SORCS1: variants seen among roughly 807,000 people sequenced by gnomAD.
SORCS1 encodes the protein sortilin related VPS10 domain containing receptor 1, also known as VPS10 domain-containing receptor SorCS1.
In SORCS1, 60 loss-of-function variants were observed where a neutral mutation model predicts 146.1. That is an observed-to-expected ratio of 0.41 (90% CI 0.33 to 0.51). The LOEUF (loss-of-function observed/expected upper bound fraction) is 0.51. SORCS1 is among the 20% of genes least tolerant of loss of function. The pLI is 0.21. For missense variants in SORCS1, 1,352 were observed against 1,487.6 expected (o/e 0.91, Z 1.50); for synonymous variants, 637 against 584.0 (o/e 1.09, Z -1.31).
chr10:106,950,282 C>T lies in SORCS1; in HGVS notation c.626+6231G>A, dbSNP rs557660557. 6.6e-5 allele frequency among the ~76,000 whole-genome samples: 10 copies of T among 152,334 alleles called. No individual in the cohort carries two copies. In the South Asian group the frequency reaches 8.3e-4, roughly 13 times the overall value. On this transcript the variant is annotated intron_variant, in intron 2 of 25. Transcript: ENST00000263054. ...TCATTAATTTGGTACAGTGACATCTCGTTCTGTCTTGCCTGGTTTGTTGAT... is the reference window on the plus strand; with the variant it reads ...TCATTAATTTGGTACAGTGACATCTTGTTCTGTCTTGCCTGGTTTGTTGAT...
In SORCS1 at chr10:106,867,307, C is replaced by T. The variant is rs191979100; in HGVS notation, c.627-37634G>A. Among the ~76,000 whole-genome samples the T allele has an allele frequency of 1.8e-3, 263 of 146,638 alleles. 1 individual carries two copies. Among genetic ancestry groups the T allele is most frequent in the African/African-American group, 5.4e-3 (212 of 39,296 alleles). On this transcript the variant is annotated intron_variant, in intron 2 of 25. Transcript: ENST00000263054. ...ATTAAATTTTTTTTTTTTTTTGAAA[C>T]GGAGTCTCGTTCTGTCGCCCACGCT...
chr10:106,848,323 C>T (rs1477241143), intron 2 of SORCS1, among the ~76,000 whole-genome samples: 1 of 44,598 alleles, frequency 2.2e-5, no homozygotes, highest in African/African-American at 7.5e-5. Context: ...TGAATTGATC[C>T]CTTTACCATT....
intron 1 of SORCS1, among the ~76,000 whole-genome samples, chr10:107,146,746 C>T (rs613020): frequency 0.12 from 17,745 of 152,124 alleles, 1,522 homozygotes; most frequent in East Asian, 0.33. Flanking sequence ...ACCCCAACTT[C>T]ACAACTCCCA....
At chr10:106,883,854 A>G (rs1445750746) in intron 2 of SORCS1, among the ~76,000 whole-genome samples, 1 of 152,236 alleles carries the variant, frequency 6.6e-6, no homozygotes, top group Non-Finnish European at 1.5e-5. Flanking sequence ...CCTTTCATAC[A>G]GTGTCACAGC....
rs185927306 is a variant in SORCS1, at chr10:106,983,010, C to A, written c.559-26430G>T. Among the ~76,000 whole-genome samples the A allele has an allele frequency of 2.4e-3, 357 of 151,312 alleles. 1 individual carries two copies. Among genetic ancestry groups the A allele is most frequent in the Middle Eastern group, 6.8e-3 (2 of 294 alleles). On this transcript the variant is annotated intron_variant, in intron 1 of 25. Coordinates refer to ENST00000263054, the MANE Select transcript of SORCS1 (RefSeq NM_052918.5). ...AACTGTTGATCAAATGAATGATATACCAAAGGTGCTTAAAAAAAAAGACAT... is the reference window on the plus strand; with the variant it reads ...AACTGTTGATCAAATGAATGATATAACAAAGGTGCTTAAAAAAAAAGACAT...
chr10:107,177,740 G>A, the SORCS1 span, among the ~76,000 whole-genome samples: 1 of 152,054 alleles, frequency 6.6e-6, no homozygotes, highest in Non-Finnish European at 1.5e-5. Flanking sequence ...CTTTGTGTTG[G>A]GAACATTTTG....
At chr10:107,117,248 G>T (rs1966096902) in intron 1 of SORCS1, among the ~76,000 whole-genome samples, 1 of 152,170 alleles carries the variant, frequency 6.6e-6, no homozygotes, top group Admixed American at 6.5e-5. Flanking sequence ...GAAAAGAAAA[G>T]AAACAAAAAG....
At chr10:107,098,263 G>A (rs1011490093) in intron 1 of SORCS1, among the ~76,000 whole-genome samples, 1 of 152,040 alleles carries the variant, frequency 6.6e-6, no homozygotes, top group African/African-American at 2.4e-5. Flanking sequence ...TTCCTCCCAA[G>A]TGAATCCAAC....
Position 106,800,513 on chromosome 10 carries a change from C to CT in SORCS1, c.727-23822dup, listed in dbSNP as rs763659103. On this transcript the variant is annotated intron_variant, in intron 3 of 25. Coordinates refer to ENST00000263054, the MANE Select transcript of SORCS1 (RefSeq NM_052918.5). The stretch of plus-strand genomic sequence containing the variant: ...AAAGATACATAGGTTCTAGGTGAAT[C>CT]TTTTTTTTTTTTTTTTTTTTTTTTT... Among the ~76,000 whole-genome samples the CT allele has an allele frequency of 3.6e-3, 323 of 89,068 alleles. 10 individuals are homozygous for CT. Among genetic ancestry groups the CT allele is most frequent in the East Asian group, 6.6e-3 (18 of 2,744 alleles). 58.4% of individuals were successfully genotyped at this position (89,068 alleles called of 152,430 possible). A position where few individuals can be genotyped will look rare whatever the true frequency, so the allele number is the denominator to read the frequency against.
At chr10:107,154,633 A>T (rs2134860087) in intron 1 of SORCS1, among the ~76,000 whole-genome samples, 1 of 152,340 alleles carries the variant, frequency 6.6e-6, no homozygotes, top group East Asian at 1.9e-4. Flanking sequence ...AGATTAGGAC[A>T]GTGCCCCAAT....
At chr10:106,991,667 T>A (rs715650) in intron 1 of SORCS1, among the ~76,000 whole-genome samples, 7,379 of 152,074 alleles carry the variant, frequency 0.049, 552 homozygotes, top group African/African-American at 0.16. Context: ...GATTAAAAAA[T>A]TATTACTCCT....
intron 3 of SORCS1, among the ~76,000 whole-genome samples, chr10:106,815,078 G>A (rs531237428): frequency 6.6e-6 from 1 of 152,000 alleles, no homozygotes; most frequent in Non-Finnish European, 1.5e-5. Context: ...TCCTGCCTCA[G>A]CCTCCCGAGT....
At chr10:106,705,769 C>T (rs1015485639) in intron 8 of SORCS1, among the ~76,000 whole-genome samples, 3 of 152,280 alleles carry the variant, frequency 2.0e-5, no homozygotes, top group African/African-American at 4.8e-5. Flanking sequence ...CACTAGGTGG[C>T]GCTCCATATT....
chr10:106,744,597 A>T (rs937443281), intron 5 of SORCS1, among the ~76,000 whole-genome samples: 1 of 152,226 alleles, frequency 6.6e-6, no homozygotes, highest in Admixed American at 6.5e-5. Flanking sequence ...TTACCTTATG[A>T]CTATACCATA....
intron 13 of SORCS1, 145 bp downstream of exon 13, chr10:106,677,168 G>T: frequency 1.4e-6 from 1 of 699,626 alleles, no homozygotes; most frequent in Non-Finnish European, 2.4e-6. Flanking sequence ...TTTGTGTGGA[G>T]AGTAACAGGA....
intron 2 of SORCS1, among the ~76,000 whole-genome samples, chr10:106,875,406 T>C (rs559799507): frequency 7.8e-4 from 119 of 152,330 alleles, no homozygotes; most frequent in African/African-American, 2.7e-3. Context: ...CAATTGTGAA[T>C]TGAGCTGCAA....
Position 106,679,613 on chromosome 10 carries a change from A to G in SORCS1, c.1663+19T>C. The G allele has an allele frequency of 1.3e-6, 2 of 1,586,506 alleles. No individual in the cohort carries two copies. The highest frequency in any genetic ancestry group is 1.7e-6 in the Non-Finnish European group (2 of 1,158,996). On this transcript the variant is annotated intron_variant, in intron 11 of 25. Transcript: ENST00000263054. ...TAAACACTATTTACCACAGCCAGCA[A>G]ACCAGGTAAGCTTCTTACCTGATGC...
upstream of SORCS1, among the ~76,000 whole-genome samples, chr10:107,165,192 T>C (rs1488620764): frequency 4.6e-5 from 7 of 152,052 alleles, no homozygotes; most frequent in Non-Finnish European, 1.0e-4. This position sits in a 1 kb window ranked among gnomAD's most constrained non-coding sequence, Gnocchi z 4.0. Flanking sequence ...TGAGTTGGCA[T>C]CTTGACCTTA....
chr10:106,861,331 C>T (rs1186335923), intron 2 of SORCS1, among the ~76,000 whole-genome samples: 5 of 149,110 alleles, frequency 3.4e-5, no homozygotes, highest in African/African-American at 5.0e-5. Context: ...ACCCAGGAGG[C>T]AGAAGTTTCA....
Sources: allele counts gnomAD v4.1 joint callset (sites outside exome capture counted in the v4.1 genomes callset), GRCh38; gene constraint gnomAD v4.1.1; non-coding constraint Gnocchi (gnomAD v3.1); transcripts MANE v1.5; gene names NCBI Gene and HGNC (gene_info 2026-07-23, HGNC 2026-07-21).